Variants in KCNC2 observed in about 807,000 individuals in gnomAD.
KCNC2 encodes potassium voltage-gated channel subfamily C member 2, also known as voltage-gated potassium channel KCNC2.
A neutral mutation model predicts 44.5 loss-of-function variants in KCNC2; 21 were observed. The observed-to-expected ratio is 0.47, with a 90% confidence interval of 0.33 to 0.68. KCNC2 has a LOEUF of 0.68. Ranked by LOEUF, KCNC2 falls within the 30% of genes least tolerant of loss-of-function variation. The pLI, the probability that KCNC2 is intolerant of heterozygous loss-of-function variation, is 0.01. For missense variants in KCNC2, 589 were observed against 826.2 expected (o/e 0.71, Z 3.52); for synonymous variants, 391 against 339.1 (o/e 1.15, Z -1.68).
At chr12:75,058,221 A>C (rs1309828661) in intron 2 of KCNC2, among the ~76,000 whole-genome samples, 1 of 151,926 alleles carries the variant, frequency 6.6e-6, no homozygotes, top group Admixed American at 6.6e-5. Context: ...GAAAATTTTT[A>C]TGCTTTTCAC....
intron 2 of KCNC2, among the ~76,000 whole-genome samples, chr12:75,197,716 A>G (rs529394336): frequency 2.0e-4 from 30 of 152,096 alleles, no homozygotes; most frequent in African/African-American, 6.7e-4. Context: ...CAGTTTGTTT[A>G]GTTAAAGGAG....
At chr12:75,122,581 A>G (rs12312329) in intron 2 of KCNC2, among the ~76,000 whole-genome samples, 23,021 of 152,166 alleles carry the variant, frequency 0.15, 2,076 homozygotes, top group Middle Eastern at 0.27. Context: ...ACATGGCTTT[A>G]GAATCAAAGA....
chr12:75,138,977 T>G (rs1022223418), intron 2 of KCNC2, among the ~76,000 whole-genome samples: 1 of 61,394 alleles, frequency 1.6e-5, no homozygotes, highest in Admixed American at 2.0e-4. Flanking sequence ...CGAGACTCCG[T>G]GTAAAAAAAA....
At chr12:75,177,815 A>T (rs1892296791) in intron 2 of KCNC2, among the ~76,000 whole-genome samples, 1 of 152,050 alleles carries the variant, frequency 6.6e-6, no homozygotes, top group South Asian at 2.1e-4. Flanking sequence ...AATCAGGCCT[A>T]CCATTGTATG....
intron 2 of KCNC2, among the ~76,000 whole-genome samples, chr12:75,095,261 G>A (rs1017186470): frequency 2.6e-5 from 4 of 151,796 alleles, no homozygotes; most frequent in African/African-American, 9.7e-5. Context: ...GTACTGGCAA[G>A]CAACTCTATT....
chr12:75,165,687 G>T (rs943825008), intron 2 of KCNC2, among the ~76,000 whole-genome samples: 1 of 151,518 alleles, frequency 6.6e-6, no homozygotes, highest in Non-Finnish European at 1.5e-5. Flanking sequence ...AAAGTGGAAA[G>T]ATAGAGTACT....
intron 2 of KCNC2, among the ~76,000 whole-genome samples, chr12:75,166,106 A>T (rs1891433337): frequency 6.6e-6 from 1 of 151,372 alleles, no homozygotes; most frequent in Non-Finnish European, 1.5e-5. Context: ...AGACAGCTGT[A>T]GAGGCTCTAT....
chr12:75,040,327 C>T lies in KCNC2; in HGVS notation c.*2778G>A, dbSNP rs1009004422. The T allele has an allele frequency of 6.6e-6, 1 of 151,940 alleles. No homozygotes were observed. Among genetic ancestry groups the T allele is most frequent in the African/African-American group, 2.4e-5 (1 of 41,380 alleles). The allele number at this position is 151,940 out of a possible 1,614,324, so 9.4% of individuals were successfully genotyped here. ...ATGTAAAAATCTTATACAGTTTCAT[C>T]TACAACAGTTTTAAAGACACGTACA... is the stretch of plus-strand genomic sequence containing the variant. On this transcript the variant is annotated 3_prime_UTR_variant, in exon 5 of 5. Coordinates refer to ENST00000549446, the MANE Select transcript of KCNC2 (RefSeq NM_139137.4).
Position 75,041,768 on chromosome 12 carries a change from G to T in KCNC2, c.*1337C>A. 1.0e-6 allele frequency: 1 copy of T among 991,224 alleles called. No individual in the cohort carries two copies. The highest frequency in any genetic ancestry group is 1.2e-6 in the Non-Finnish European group (1 of 833,284). The allele number at this position is 991,224 out of a possible 1,614,324, so 61.4% of individuals were successfully genotyped here. A position where few individuals can be genotyped will look rare whatever the true frequency, so the allele number is the denominator to read the frequency against. Reference sequence around the variant, plus strand: ...CTGCTTAAACCCTGCTTATCAAAAAGATTCACAGTGCCGATTAACTTAGGT... The same window carrying T: ...CTGCTTAAACCCTGCTTATCAAAAATATTCACAGTGCCGATTAACTTAGGT... On this transcript the variant is annotated 3_prime_UTR_variant, in exon 5 of 5. Coordinates refer to ENST00000549446, the MANE Select transcript of KCNC2 (RefSeq NM_139137.4).
At chr12:75,147,041 A>G (rs1195818036) in intron 2 of KCNC2, among the ~76,000 whole-genome samples, 1 of 152,156 alleles carries the variant, frequency 6.6e-6, no homozygotes, top group East Asian at 1.9e-4. Flanking sequence ...AATCCACACA[A>G]TTTTAGGTGC....
chr12:75,180,966 TCA>T (rs1184424346), intron 2 of KCNC2, among the ~76,000 whole-genome samples: 1 of 152,162 alleles, frequency 6.6e-6, no homozygotes, highest in Non-Finnish European at 1.5e-5. Flanking sequence ...TCTGATTTAC[TCA>T]CACATAGTAG....
chr12:75,097,709 T>TA (rs1403083086), intron 2 of KCNC2, among the ~76,000 whole-genome samples: 5 of 152,126 alleles, frequency 3.3e-5, no homozygotes, highest in Non-Finnish European at 7.4e-5. Flanking sequence ...ATACCATGAT[T>TA]TTTAAGAGCA....
At chr12:75,086,712 TTA>T (rs1885065229) in intron 2 of KCNC2, among the ~76,000 whole-genome samples, 2 of 132,746 alleles carry the variant, frequency 1.5e-5, no homozygotes, top group African/African-American at 5.5e-5. Flanking sequence ...ACACACATAT[TTA>T]TCTTAAGTCA....
chr12:75,156,662 T>A (rs1332019561), intron 2 of KCNC2, among the ~76,000 whole-genome samples: 2 of 151,840 alleles, frequency 1.3e-5, no homozygotes, highest in East Asian at 1.9e-4. Context: ...GACAAAACAA[T>A]AAACTATCTA....
At chr12:75,174,684 C>T (rs929045496) in intron 2 of KCNC2, among the ~76,000 whole-genome samples, 70 of 151,966 alleles carry the variant, frequency 4.6e-4, no homozygotes, top group African/African-American at 1.6e-3. Context: ...ACTACTGGTA[C>T]TTATTAAAAT....
intron 2 of KCNC2, among the ~76,000 whole-genome samples, chr12:75,100,136 T>C (rs1886258715): frequency 6.6e-6 from 1 of 152,242 alleles, no homozygotes; most frequent in Admixed American, 6.6e-5. Flanking sequence ...TTAATAAAAA[T>C]GTTTCCCTTT....
At chr12:75,106,745 T>C (rs1206900412) in intron 2 of KCNC2, among the ~76,000 whole-genome samples, 1 of 152,182 alleles carries the variant, frequency 6.6e-6, no homozygotes, top group African/African-American at 2.4e-5. Context: ...GGGCTATTAA[T>C]TGTGTCTTAA....
chr12:75,194,639 G>A lies in KCNC2; in HGVS notation c.687+12658C>T, dbSNP rs560993725. Among the ~76,000 whole-genome samples the A allele has an allele frequency of 2.6e-4, 39 of 152,294 alleles. 2 individuals are homozygous for A. The South Asian group carries it at 6.6e-3, about 26-fold the overall frequency. On this transcript the variant is annotated intron_variant, in intron 2 of 4. Transcript: ENST00000549446. Reference sequence around the variant, plus strand: ...TCAGAGAGAGAAATTAACTGCTTTGGAAGAGGTGTTTAAAAATATTTGATA... The same window carrying A: ...TCAGAGAGAGAAATTAACTGCTTTGAAAGAGGTGTTTAAAAATATTTGATA...
chr12:75,041,320 T>C lies in KCNC2; in HGVS notation c.*1785A>G. ...TCAAAAGAATCACTGTGTCTCTAAA[T>C]ATCATATATGTATGTCTGGATAAAT... On this transcript the variant is annotated 3_prime_UTR_variant, in exon 5 of 5. Coordinates refer to ENST00000549446, the MANE Select transcript of KCNC2 (RefSeq NM_139137.4). The C allele has an allele frequency of 6.7e-7, 1 of 1,499,390 alleles. No homozygotes were observed. Among genetic ancestry groups the C allele is most frequent in the African/African-American group, 1.4e-5 (1 of 72,420 alleles). 92.9% of individuals were successfully genotyped at this position (1,499,390 alleles called of 1,614,324 possible). A position where few individuals can be genotyped will look rare whatever the true frequency, so the allele number is the denominator to read the frequency against.
Sources: gnomAD v4.1 joint callset for allele counts (sites outside exome capture counted in the v4.1 genomes callset) on GRCh38, gnomAD v4.1.1 for gene constraint, MANE v1.5 for transcripts, NCBI Gene and HGNC (gene_info 2026-07-23, HGNC 2026-07-21) for gene names.